HMCN2: variants seen among roughly 807,000 people sequenced by gnomAD.
HMCN2 encodes the protein hemicentin 2.
HMCN2 carries 325 observed loss-of-function variants against 377.5 expected under a neutral mutation model. The ratio of observed to expected loss-of-function variants is 0.86; its 90% CI spans 0.79 to 0.94. The LOEUF (loss-of-function observed/expected upper bound fraction) is 0.94. Among genes scored for constraint, HMCN2 ranks in the 40% least tolerant of loss-of-function variants. HMCN2 has a pLI of 0.00. For missense variants in HMCN2, 4,543 were observed against 4,725.3 expected (o/e 0.96, Z 1.13); for synonymous variants, 2,007 against 2,046.8 (o/e 0.98, Z 0.53).
Position 130,309,974 on chromosome 9 carries a change from G to C in HMCN2, c.2263G>C (p.Ala755Pro). ...SSSGKLRIPA[A>P]QERDAGTYTC... ...CTCTGGGAAGCTGCGGATCCCGGCG[G>C]CTCAGGAGAGGGATGCTGGCACCTA... The change falls in exon 15 of 98, where the codon GCT becomes CCT. Residue 755 changes from alanine to proline, a missense_variant. Transcript: ENST00000683500. The C allele has an allele frequency of 1.9e-6, 1 of 531,830 alleles. No individual in the cohort carries two copies. Among genetic ancestry groups the C allele is most frequent in the South Asian group, 1.4e-5 (1 of 70,822 alleles). 32.9% of individuals were successfully genotyped at this position (531,830 alleles called of 1,614,324 possible).
chr9:130,311,551 A>G (rs74199675), intron 15 of HMCN2, among the ~76,000 whole-genome samples: 40,678 of 152,050 alleles, frequency 0.27, 5,686 homozygotes, highest in South Asian at 0.39. Context: ...ATGAGCATGC[A>G]CAGGGCACCG....
In HMCN2 at chr9:130,382,220, A is replaced by T; in HGVS notation, c.8468A>T (p.Glu2823Val). ...RVLQIPLVRA[E>V]NAGRYSCKAS... The stretch of plus-strand genomic sequence containing the variant: ...CTGCAGATCCCCCTGGTGCGGGCAG[A>T]GAACGCCGGGAGGTACTCGTGCAAG... The change falls in exon 55 of 98, where the codon GAG becomes GTG. Residue 2823 changes from glutamate (E) to valine (V), a missense_variant. Transcript: ENST00000683500. 1.0e-6 allele frequency: 1 copy of T among 985,838 alleles called. No individual in the cohort carries two copies. The highest frequency in any genetic ancestry group is 4.7e-5 in the South Asian group (1 of 21,286). 61.1% of individuals were successfully genotyped at this position (985,838 alleles called of 1,614,324 possible). A position where few individuals can be genotyped will look rare whatever the true frequency, so the allele number is the denominator to read the frequency against.
rs562337406 is a variant in HMCN2 at position 130,379,306 on chromosome 9, G to A, written c.8270G>A (p.Arg2757Gln). The A allele has an allele frequency of 4.2e-5, 41 of 985,718 alleles. No homozygotes were observed. Among genetic ancestry groups the A allele is most frequent in the African/African-American group, 2.8e-4 (16 of 57,284 alleles). 61.1% of individuals were successfully genotyped at this position (985,718 alleles called of 1,614,324 possible). ...AGTGCAGCCTTCGAGATCCTGTCCCGGGAGGAGGAGGCCCGGGGCGGAGTC... is the reference window on the plus strand; with the variant it reads ...AGTGCAGCCTTCGAGATCCTGTCCCAGGAGGAGGAGGCCCGGGGCGGAGTC... The part of the protein sequence containing the change: ...DFSAAFEILS[R>Q]EEEARGGVTE... Residue 2757 changes from arginine (R) to glutamine (Q), a missense_variant, in exon 54 of 98, where the codon CGG (arginine) becomes CAG (glutamine). Arg to Gln is a conservative substitution (Grantham distance 43, BLOSUM62 1). This residue lies in a region of HMCN2 where 736 missense variants were observed against 773.2 expected (regional missense o/e 0.95). Transcript: ENST00000683500.
chr9:130,344,192 G>T (rs975638355), intron 25 of HMCN2, among the ~76,000 whole-genome samples: 1 of 152,200 alleles, frequency 6.6e-6, no homozygotes, highest in African/African-American at 2.4e-5. Flanking sequence ...GGCCCCCGGC[G>T]TGGCGGGAAG....
At chr9:130,356,290 G>C in intron 34 of HMCN2, 33 bp downstream of exon 34, 1 of 1,271,338 alleles carries the variant, frequency 7.9e-7, no homozygotes, top group Admixed American at 2.4e-5. Context: ...GGAGCTGTGG[G>C]CAGCCTGAGA....
chr9:130,403,468 C>T (rs1382565129), intron 79 of HMCN2, 140 bp downstream of exon 79: 1 of 975,514 alleles, frequency 1.0e-6, no homozygotes. Context: ...CCCAGATACG[C>T]CCCCACCCTT....
chr9:130,355,284 G>T (rs1009601886), intron 32 of HMCN2, among the ~76,000 whole-genome samples: 1 of 152,204 alleles, frequency 6.6e-6, no homozygotes, highest in Non-Finnish European at 1.5e-5. Context: ...AGGACCCTGG[G>T]CTGGGTCACC....
In HMCN2 at chr9:130,354,950, G is replaced by A; in HGVS notation, c.5052G>A (p.Leu1684=). 3 of 1,303,016 alleles carry A rather than the reference G, an allele frequency of 2.3e-6. No homozygotes were observed. In the South Asian group the frequency reaches 3.7e-5, roughly 16 times the overall value. The allele number at this position is 1,303,016 out of a possible 1,614,324, so 80.7% of individuals were successfully genotyped here. The change falls in exon 32 of 98, where the codon CTG becomes CTA. Residue 1684 remains leucine (L), a synonymous_variant. Coordinates refer to ENST00000683500, the MANE Select transcript of HMCN2 (RefSeq NM_001291815.2). ...RLETDGSVLR[L]ESPGEASSGL... is the part of the protein sequence containing the mutation. ...AGACAGACGGGAGTGTGCTGAGGCT[G>A]GAGAGCCCGGGGGAGGCATCCAGTG...
chr9:130,425,151 G>A (rs1286309526), intron 89 of HMCN2, 21 bp downstream of exon 89: 15 of 1,535,480 alleles, frequency 9.8e-6, no homozygotes, highest in Non-Finnish European at 1.3e-5. Flanking sequence ...AAGCCCTGGG[G>A]TGTGCAGACA....
chr9:130,433,945 G>A lies in HMCN2; in HGVS notation c.*252G>A, dbSNP rs1844931949. 1.4e-5 allele frequency: 6 copies of A among 427,664 alleles called. No homozygotes were observed. In the South Asian group the frequency reaches 2.4e-4, roughly 17 times the overall value. The allele number at this position is 427,664 out of a possible 1,614,324, so 26.5% of individuals were successfully genotyped here. A position where few individuals can be genotyped will look rare whatever the true frequency, so the allele number is the denominator to read the frequency against. On this transcript the variant is annotated 3_prime_UTR_variant, in exon 98 of 98. Coordinates refer to ENST00000683500, the MANE Select transcript of HMCN2 (RefSeq NM_001291815.2). Reference sequence around the variant, plus strand: ...CGCAGGCAGGGCCCGGGGAAGCCCGGATCAGACCTCCAGGTCTGATCCGCC... The same window carrying A: ...CGCAGGCAGGGCCCGGGGAAGCCCGAATCAGACCTCCAGGTCTGATCCGCC...
intron 19 of HMCN2, among the ~76,000 whole-genome samples, 161 bp from the exon 20 acceptor site, chr9:130,325,434 T>A (rs1003742756): frequency 1.3e-5 from 2 of 152,224 alleles, no homozygotes; most frequent in Non-Finnish European, 2.9e-5. Context: ...CTGGAATTAA[T>A]TGCCTTCCTT....
intron 22 of HMCN2, among the ~76,000 whole-genome samples, chr9:130,329,513 GCT>G (rs1291605954): frequency 6.8e-6 from 1 of 146,500 alleles, no homozygotes; most frequent in Non-Finnish European, 1.5e-5. Flanking sequence ...TGCAATCTCA[GCT>G]CACTGCAACC....
At chr9:130,321,325 C>T (rs1837840445) in intron 18 of HMCN2, among the ~76,000 whole-genome samples, 1 of 152,224 alleles carries the variant, frequency 6.6e-6, no homozygotes, top group Non-Finnish European at 1.5e-5. Flanking sequence ...CCTTATCAAC[C>T]AGTTCACGTC....
intron 51 of HMCN2, among the ~76,000 whole-genome samples, 176 bp downstream of exon 51, chr9:130,376,165 G>A (rs1841364936): frequency 6.6e-6 from 1 of 152,134 alleles, no homozygotes; most frequent in African/African-American, 2.4e-5. Context: ...AGAGAACAGT[G>A]AGTTAGGGCA....
intron 22 of HMCN2, among the ~76,000 whole-genome samples, chr9:130,333,065 C>T (rs1190409139): frequency 2.0e-5 from 3 of 152,130 alleles, no homozygotes; most frequent in Non-Finnish European, 4.4e-5. Context: ...TCAATGAAGG[C>T]GGTGAAGGGA....
At chr9:130,390,716 A>G (rs1428195273) in intron 62 of HMCN2, among the ~76,000 whole-genome samples, 1 of 138,408 alleles carries the variant, frequency 7.2e-6, no homozygotes. Context: ...ACCTTGATTG[A>G]TGGGGGTAGA....
chr9:130,297,313 G>A lies in HMCN2; in HGVS notation c.1012+519G>A, dbSNP rs75546813. Among the ~76,000 whole-genome samples, 1,297 of 152,164 alleles carry A rather than the reference G, an allele frequency of 8.5e-3. 19 individuals carry two copies. The highest frequency in any genetic ancestry group is 0.029 in the African/African-American group (1,223 of 41,516). ...GAGGAAGGTTGGAGGAGCCTGGGGGGGATATTGAGGGTGGAGGCACAGGCA... is the reference window on the plus strand; with the variant it reads ...GAGGAAGGTTGGAGGAGCCTGGGGGAGATATTGAGGGTGGAGGCACAGGCA... On this transcript the variant is annotated intron_variant, in intron 7 of 97. Transcript: ENST00000683500.
At chr9:130,381,069 C>T (rs1377117778) in intron 54 of HMCN2, among the ~76,000 whole-genome samples, 1 of 152,214 alleles carries the variant, frequency 6.6e-6, no homozygotes, top group African/African-American at 2.4e-5. Context: ...CCACTCACCT[C>T]TCACCCTGAC....
intron 1 of HMCN2, among the ~76,000 whole-genome samples, chr9:130,280,914 G>A (rs1197337664): frequency 1.3e-5 from 2 of 151,900 alleles, no homozygotes; most frequent in Non-Finnish European, 2.9e-5. Context: ...GACCATCCTG[G>A]CCAACATGGT....
Sources: allele counts gnomAD v4.1 joint callset (sites outside exome capture counted in the v4.1 genomes callset), GRCh38; gene constraint gnomAD v4.1.1; regional missense constraint gnomAD v4.1.1; transcripts MANE v1.5; gene names NCBI Gene and HGNC (gene_info 2026-07-23, HGNC 2026-07-21).